The following WDR41 variants were observed in gnomAD, a reference collection of about 807,000 sequenced individuals.
WDR41 encodes WD repeat domain 41.
WDR41 carries 63 observed loss-of-function variants against 69.3 expected under a neutral mutation model. The ratio of observed to expected loss-of-function variants is 0.91; its 90% CI spans 0.74 to 1.12. The LOEUF is 1.12. Among genes scored for constraint, WDR41 ranks in the 50% most tolerant of loss-of-function variants. The pLI is 0.00. For missense variants in WDR41, 543 were observed against 534.5 expected (o/e 1.02, Z -0.16); for synonymous variants, 185 against 192.1 (o/e 0.96, Z 0.31).
chr5:77,451,214 A>T (rs545659266), intron 7 of WDR41, 77 bp downstream of exon 7: 1 of 1,427,196 alleles, frequency 7.0e-7, no homozygotes, highest in East Asian at 2.3e-5. Context: ...CCTTAAATAA[A>T]AAATTACTTT....
At chr5:77,556,941 G>T (rs78226706) in intron 1 of WDR41, among the ~76,000 whole-genome samples, 5,287 of 152,150 alleles carry the variant, frequency 0.035, 131 homozygotes, top group Middle Eastern at 0.099. Context: ...GGCACCTGGG[G>T]TTTCTAATCA....
At chr5:77,569,710 C>T (rs928006764) in intron 1 of WDR41, among the ~76,000 whole-genome samples, 1 of 152,092 alleles carries the variant, frequency 6.6e-6, no homozygotes, top group Non-Finnish European at 1.5e-5. Context: ...ATGTAAATGT[C>T]GTATATAATA....
intron 1 of WDR41, among the ~76,000 whole-genome samples, chr5:77,596,910 G>A (rs1580041446): frequency 1.3e-5 from 2 of 152,100 alleles, no homozygotes; most frequent in African/African-American, 4.8e-5. Flanking sequence ...TTGAGCTCAG[G>A]AGTTCGAGAC....
At chr5:77,543,484 GAC>G (rs1239604663) in intron 1 of WDR41, among the ~76,000 whole-genome samples, 3 of 152,020 alleles carry the variant, frequency 2.0e-5, no homozygotes, top group African/African-American at 7.3e-5. Context: ...GGAAACAATG[GAC>G]ACACTTATAG....
chr5:77,521,041 G>A (rs1181315238), intron 1 of WDR41, among the ~76,000 whole-genome samples: 6 of 152,102 alleles, frequency 3.9e-5, no homozygotes, highest in African/African-American at 1.4e-4. Flanking sequence ...ACCCAAATAA[G>A]TCTCGCCCAA....
chr5:77,608,675 G>A (rs189346688), intron 1 of WDR41, among the ~76,000 whole-genome samples: 222 of 152,178 alleles, frequency 1.5e-3, no homozygotes, highest in Middle Eastern at 3.4e-3. Flanking sequence ...TACAGATTTC[G>A]CAAGAAGGCC....
chr5:77,582,456 G>T (rs1743956487), intron 1 of WDR41: 1 of 1,604,020 alleles, frequency 6.2e-7, no homozygotes, highest in South Asian at 1.1e-5. Context: ...ATTTCGTAGA[G>T]CTGAAGATCA....
Position 77,489,523 on chromosome 5 carries a change from G to T in WDR41, c.101C>A (p.Thr34Asn), listed in dbSNP as rs200398499. ...ATGAGCCTTCAGTACTAGCAGTTCAGTGTAGGGATTCTGGGTTTGTTCTTC... is the reference window on the plus strand; with the variant it reads ...ATGAGCCTTCAGTACTAGCAGTTCATTGTAGGGATTCTGGGTTTGTTCTTC... ...IGEEQTQNPY[T>N]ELLVLKAHHD... The change falls in exon 2 of 13, where the codon ACT becomes AAT. Residue 34 changes from threonine to asparagine, a missense_variant. Transcript: ENST00000296679. The T allele has an allele frequency of 1.1e-4, 184 of 1,609,180 alleles. No homozygotes were observed. The highest frequency in any genetic ancestry group is 1.4e-4 in the Non-Finnish European group (167 of 1,178,362).
intron 12 of WDR41, among the ~76,000 whole-genome samples, chr5:77,433,663 C>CTCTATAAAAGTAGATA (rs1798817161): frequency 1.3e-5 from 2 of 152,328 alleles, no homozygotes; most frequent in South Asian, 4.1e-4. Flanking sequence ...GGCTTCAGCT[C>CTCTATAAAAGTAGATA]TCTATAAAAG....
rs191680606 is a variant in WDR41, at chr5:77,555,506, C to T, written c.42+64973G>A. ...TTGGTTTTTAGCAGAGGCAAGGTCT[C>T]GCTATGTTGTCCAGGCTGGTCCTGA... On this transcript the variant is annotated intron_variant, in intron 1 of 5. Transcript: ENST00000509971. 1.6e-3 allele frequency among the ~76,000 whole-genome samples: 236 copies of T among 152,170 alleles called. 3 individuals are homozygous for T. Among genetic ancestry groups the T allele is most frequent in the African/African-American group, 5.4e-3 (225 of 41,506 alleles).
chr5:77,451,168 A>G, intron 7 of WDR41, 123 bp downstream of exon 7: 1 of 847,924 alleles, frequency 1.2e-6, no homozygotes, highest in Non-Finnish European at 1.9e-6. Context: ...CACTTCAACA[A>G]TCCCAAGAAG....
intron 1 of WDR41, among the ~76,000 whole-genome samples, chr5:77,519,156 A>C (rs1043430913): frequency 6.6e-6 from 1 of 152,062 alleles, no homozygotes; most frequent in Non-Finnish European, 1.5e-5. Flanking sequence ...AAAAAGGAAA[A>C]TAATTATTTA....
intron 2 of WDR41, among the ~76,000 whole-genome samples, chr5:77,483,860 T>A (rs566605712): frequency 2.0e-5 from 3 of 152,314 alleles, no homozygotes; most frequent in African/African-American, 7.2e-5. Flanking sequence ...TTCTCTTTTT[T>A]AAGTATCATT....
chr5:77,596,668 C>T (rs1744233808), intron 1 of WDR41, among the ~76,000 whole-genome samples: 1 of 152,084 alleles, frequency 6.6e-6, no homozygotes, highest in African/African-American at 2.4e-5. Flanking sequence ...TCTTTTTCTA[C>T]TGCCAGCAGA....
intron 2 of WDR41, among the ~76,000 whole-genome samples, chr5:77,480,677 G>C (rs1801190250): frequency 1.4e-5 from 2 of 144,392 alleles, no homozygotes; most frequent in African/African-American, 5.1e-5. Context: ...ACTGTTGTAG[G>C]GTGCGGGGAG....
chr5:77,492,134 C>T, intron 1 of WDR41, 36 bp downstream of exon 1: 1 of 1,601,646 alleles, frequency 6.2e-7, no homozygotes. Context: ...CTCCAGCAAG[C>T]TCGACGGACG....
intron 2 of WDR41, among the ~76,000 whole-genome samples, chr5:77,482,123 A>G (rs1801299748): frequency 6.6e-6 from 1 of 152,152 alleles, no homozygotes; most frequent in Non-Finnish European, 1.5e-5. Context: ...AGCCACATGT[A>G]CTCATTGCCT....
intron 1 of WDR41, among the ~76,000 whole-genome samples, chr5:77,561,426 A>G (rs1580010739): frequency 6.6e-6 from 1 of 152,192 alleles, no homozygotes; most frequent in African/African-American, 2.4e-5. Flanking sequence ...TAGAGAGTTC[A>G]TTATTTAGTT....
chr5:77,493,999 G>A (rs1801897789), upstream of WDR41, among the ~76,000 whole-genome samples: 1 of 151,378 alleles, frequency 6.6e-6, no homozygotes, highest in Admixed American at 6.6e-5. Flanking sequence ...GGCACACAAT[G>A]TATAAAGATG....
Sources: gnomAD v4.1 joint callset for allele counts (sites outside exome capture counted in the v4.1 genomes callset) on GRCh38, gnomAD v4.1.1 for gene constraint, MANE v1.5 for transcripts, NCBI Gene and HGNC (gene_info 2026-07-23, HGNC 2026-07-21) for gene names.